Variants in LPAR1 observed in about 807,000 individuals in gnomAD.
The protein encoded by LPAR1 is LPA receptor 1.
In LPAR1, 5 loss-of-function variants were observed where a neutral mutation model predicts 23.8. That is an observed-to-expected ratio of 0.21 (90% CI 0.11 to 0.44). The LOEUF (loss-of-function observed/expected upper bound fraction) is 0.44. Ranked by LOEUF, LPAR1 falls within the 20% of genes least tolerant of loss-of-function variation. The pLI is 0.99. For synonymous variants in LPAR1, 160 were observed against 164.7 expected (o/e 0.97, Z 0.22); for missense variants, 311 against 482.8 (o/e 0.64, Z 3.33).
intron 2 of LPAR1, among the ~76,000 whole-genome samples, chr9:111,024,454 A>G (rs2097643417): frequency 6.8e-6 from 1 of 147,302 alleles, no homozygotes; most frequent in Admixed American, 6.8e-5. Flanking sequence ...ATATATTTTT[A>G]TATATACATA....
chr9:110,988,044 G>A (rs2096824731), intron 2 of LPAR1, among the ~76,000 whole-genome samples: 1 of 151,830 alleles, frequency 6.6e-6, no homozygotes, highest in African/African-American at 2.4e-5. Flanking sequence ...TTTCTCATCA[G>A]AAACAATCCA....
At chr9:110,892,767 G>GGGGAGGAAGGCAA (rs2084736159) in intron 5 of LPAR1, among the ~76,000 whole-genome samples, 1 of 97,276 alleles carries the variant, frequency 1.0e-5, no homozygotes, top group African/African-American at 4.0e-5. Flanking sequence ...AGGGGAGGAA[G>GGGGAGGAAGGCAA]GGAAGGAAGG....
At chr9:111,015,885 C>T (rs1416619533) in intron 2 of LPAR1, among the ~76,000 whole-genome samples, 1 of 151,446 alleles carries the variant, frequency 6.6e-6, no homozygotes, top group Admixed American at 6.6e-5. Context: ...CTGTTTCAAA[C>T]CTTCCCATGG....
At chr9:110,901,905 A>C (rs72764225) in intron 5 of LPAR1, among the ~76,000 whole-genome samples, 26,493 of 152,134 alleles carry the variant, frequency 0.17, 2,724 homozygotes, top group Admixed American at 0.25. Flanking sequence ...TCCGACCCCA[A>C]CTCTACCCAA....
intron 5 of LPAR1, among the ~76,000 whole-genome samples, chr9:110,930,106 T>C (rs957576101): frequency 6.6e-6 from 1 of 152,256 alleles, no homozygotes; most frequent in Admixed American, 6.5e-5. Flanking sequence ...ATTCTCGTTA[T>C]GTTTCAGGTA....
intron 4 of LPAR1, among the ~76,000 whole-genome samples, chr9:110,963,882 T>G (rs1392987917): frequency 2.0e-5 from 3 of 152,248 alleles, no homozygotes; most frequent in African/African-American, 7.2e-5. Flanking sequence ...CCAGCTATGG[T>G]GTATAACAGT....
intron 4 of LPAR1, among the ~76,000 whole-genome samples, chr9:110,963,597 A>C (rs1319654869): frequency 6.6e-6 from 1 of 152,178 alleles, no homozygotes. Context: ...AACATGGCAC[A>C]TGTATACATA....
At chr9:111,003,664 G>A (rs187103123) in intron 2 of LPAR1, among the ~76,000 whole-genome samples, 1 of 152,162 alleles carries the variant, frequency 6.6e-6, no homozygotes, top group African/African-American at 2.4e-5. Flanking sequence ...TCACAGAAAG[G>A]GCAGTCACCC....
intron 2 of LPAR1, among the ~76,000 whole-genome samples, chr9:111,031,913 A>C (rs958907663): frequency 6.6e-6 from 1 of 152,226 alleles, no homozygotes; most frequent in Admixed American, 6.5e-5. Flanking sequence ...AAATGTTCCT[A>C]AAATGGAAGA....
intron 4 of LPAR1, among the ~76,000 whole-genome samples, chr9:110,961,819 T>C (rs2096001425): frequency 1.3e-5 from 2 of 151,910 alleles, no homozygotes; most frequent in Admixed American, 1.3e-4. Flanking sequence ...TTATTTACTA[T>C]CATGAGAACA....
intron 2 of LPAR1, among the ~76,000 whole-genome samples, chr9:111,020,124 C>G (rs951425287): frequency 2.0e-5 from 3 of 152,166 alleles, no homozygotes; most frequent in Non-Finnish European, 2.9e-5. Context: ...CTAATTATCT[C>G]CTAAAAGCCT....
At chr9:110,906,968 T>A (rs1466983467) in intron 5 of LPAR1, among the ~76,000 whole-genome samples, 2 of 152,140 alleles carry the variant, frequency 1.3e-5, no homozygotes, top group Non-Finnish European at 2.9e-5. Flanking sequence ...TTTAATTCTG[T>A]AACTTAAAAA....
rs189157390 is a variant in LPAR1, at chr9:110,874,144, C to T, written c.*1277G>A. 1.8e-4 allele frequency: 28 copies of T among 152,584 alleles called. No individual in the cohort carries two copies. In the East Asian group the frequency reaches 5.2e-3, roughly 28 times the overall value. 9.5% of individuals were successfully genotyped at this position (152,584 alleles called of 1,614,324 possible). A position where few individuals can be genotyped will look rare whatever the true frequency, so the allele number is the denominator to read the frequency against. On this transcript the variant is annotated 3_prime_UTR_variant, in exon 6 of 6. Transcript: ENST00000683809. ...AAAGAATCCTTCATGGGAATATATC[C>T]TAATAATCAATTATATGGAGACAGT... is the stretch of plus-strand genomic sequence containing the variant.
chr9:110,905,261 T>G (rs1408131093), intron 5 of LPAR1, among the ~76,000 whole-genome samples: 1 of 152,200 alleles, frequency 6.6e-6, no homozygotes, highest in Non-Finnish European at 1.5e-5. Flanking sequence ...AATTTGTCCT[T>G]GAGAAGTGCT....
At chr9:111,030,592 C>T (rs772886842) in intron 2 of LPAR1, among the ~76,000 whole-genome samples, 9 of 152,216 alleles carry the variant, frequency 5.9e-5, no homozygotes, top group Admixed American at 5.2e-4. Context: ...ATGCCAAACA[C>T]GTGCTCCAAA....
intron 5 of LPAR1, among the ~76,000 whole-genome samples, chr9:110,930,217 T>C (rs898692713): frequency 1.5e-4 from 23 of 152,306 alleles, no homozygotes; most frequent in Admixed American, 1.1e-3. Context: ...ATCTGACATA[T>C]AGAAATGAAT....
rs766409056 is a variant in LPAR1 at position 110,927,280 on chromosome 9, C to T, written c.793+14141G>A. Among the ~76,000 whole-genome samples, 140 of 150,958 alleles carry T rather than the reference C, an allele frequency of 9.3e-4. 3 individuals carry two copies. Among genetic ancestry groups the T allele is most frequent in the Non-Finnish European group, 3.4e-4 (23 of 67,910 alleles). On this transcript the variant is annotated intron_variant, in intron 5 of 5. Transcript: ENST00000683809. Reference sequence around the variant, plus strand: ...GTCACTGCTCTATAAGTAGCAGCTGCGAAAACATTCATAACTTACATTTGT... The same window carrying T: ...GTCACTGCTCTATAAGTAGCAGCTGTGAAAACATTCATAACTTACATTTGT...
intron 2 of LPAR1, among the ~76,000 whole-genome samples, chr9:110,995,190 T>C (rs2096973010): frequency 6.6e-6 from 1 of 152,154 alleles, no homozygotes; most frequent in African/African-American, 2.4e-5. Context: ...CTCTTCCAGA[T>C]GTTGTTTGGC....
intron 5 of LPAR1, among the ~76,000 whole-genome samples, chr9:110,884,082 G>T (rs1375996658): frequency 1.3e-5 from 2 of 151,962 alleles, no homozygotes; most frequent in African/African-American, 4.8e-5. Context: ...TCTGATGTAT[G>T]ATTCCCATTC....
Sources: gnomAD v4.1 joint callset for allele counts (sites outside exome capture counted in the v4.1 genomes callset) on GRCh38, gnomAD v4.1.1 for gene constraint, MANE v1.5 for transcripts, NCBI Gene and HGNC (gene_info 2026-07-23, HGNC 2026-07-21) for gene names.